Variants in KCNIP4 observed in about 807,000 individuals in gnomAD.
The protein encoded by KCNIP4 is potassium voltage-gated channel interacting protein 4, also known as Kv channel-interacting protein 4.
KCNIP4 carries 12 observed loss-of-function variants against 34.0 expected under a neutral mutation model. The observed-to-expected ratio is 0.35, with a 90% CI of 0.23 to 0.57. KCNIP4 has a LOEUF of 0.57. Among genes scored for constraint, KCNIP4 ranks in the 20% least tolerant of loss-of-function variants. The probability of loss-of-function intolerance (pLI) is 0.83; values close to 1 mark genes in which losing one functional copy is unlikely to be tolerated. For synonymous variants in KCNIP4, 124 were observed against 102.2 expected, an observed-to-expected ratio of 1.21 and a Z score of -1.29; for missense variants, 238 against 311.7, an observed-to-expected ratio of 0.76 and a Z score of 1.78.
intron 1 of KCNIP4, among the ~76,000 whole-genome samples, chr4:21,817,494 G>T (rs953424244): frequency 3.3e-5 from 5 of 152,106 alleles, no homozygotes; most frequent in African/African-American, 4.8e-5. Flanking sequence ...CAACCATAAG[G>T]GTGACTGCCT....
chr4:21,286,929 G>A (rs1323800306), intron 1 of KCNIP4, among the ~76,000 whole-genome samples: 1 of 152,086 alleles, frequency 6.6e-6, no homozygotes, highest in Non-Finnish European at 1.5e-5. Flanking sequence ...TTGAGAGGAG[G>A]CTACAAGGAG....
intron 1 of KCNIP4, among the ~76,000 whole-genome samples, chr4:21,486,121 G>A (rs1474335423): frequency 6.6e-6 from 1 of 152,206 alleles, no homozygotes; most frequent in African/African-American, 2.4e-5. Context: ...GCAGCAGAAA[G>A]TAAGCTGCAT....
chr4:20,772,588 T>C (rs1005754331), intron 3 of KCNIP4, among the ~76,000 whole-genome samples: 1 of 152,102 alleles, frequency 6.6e-6, no homozygotes, highest in African/African-American at 2.4e-5. Context: ...GATTCAGCTC[T>C]AAATACATTT....
chr4:21,263,784 C>G (rs1404647922), intron 1 of KCNIP4, among the ~76,000 whole-genome samples: 1 of 152,094 alleles, frequency 6.6e-6, no homozygotes, highest in African/African-American at 2.4e-5. Context: ...GCCCCCTGAG[C>G]TTCTGGGACT....
Position 21,373,156 on chromosome 4 carries a change from T to C in KCNIP4, c.62-490447A>G, listed in dbSNP as rs1211458217. ...GAGCAACACAGCAAGACCTTGTCTC[T>C]ACAAAAAATGTAAAAAATTATCTGG... On this transcript the variant is annotated intron_variant, in intron 1 of 8. Coordinates refer to ENST00000382152, the MANE Select transcript of KCNIP4 (RefSeq NM_025221.6). Among the ~76,000 whole-genome samples the C allele has an allele frequency of 1.4e-5, 2 of 146,690 alleles. 1 individual carries two copies. The highest frequency in any genetic ancestry group is 5.5e-5 in the African/African-American group (2 of 36,454).
chr4:21,342,491 A>G (rs768227970), intron 1 of KCNIP4, among the ~76,000 whole-genome samples: 3 of 152,136 alleles, frequency 2.0e-5, no homozygotes, highest in Non-Finnish European at 4.4e-5. Flanking sequence ...ATCATGCCCA[A>G]GGACACACAG....
intron 1 of KCNIP4, among the ~76,000 whole-genome samples, chr4:21,402,298 T>A (rs1351233025): frequency 3.3e-5 from 5 of 152,240 alleles, no homozygotes; most frequent in African/African-American, 7.2e-5. Context: ...CAAATTCAGA[T>A]TTCTTCAGTG....
At chr4:21,304,094 A>AG (rs1712135276) in intron 1 of KCNIP4, 1 of 570,134 alleles carries the variant, frequency 1.8e-6, no homozygotes, top group East Asian at 4.1e-5. Context: ...AGACAGAGAG[A>AG]GAGAGAGAGA....
chr4:21,909,800 C>CAGCA, intron 1 of KCNIP4, among the ~76,000 whole-genome samples: 1 of 151,978 alleles, frequency 6.6e-6, no homozygotes, highest in East Asian at 1.9e-4. Context: ...TCTTACATGG[C>CAGCA]GACAGGCAAA....
At chr4:21,726,573 T>C (rs114463362) in intron 1 of KCNIP4, among the ~76,000 whole-genome samples, 4,341 of 152,230 alleles carry the variant, frequency 0.029, 190 homozygotes, top group African/African-American at 0.098. Flanking sequence ...CAGCAACAAT[T>C]TGAGTCCTGC....
intron 1 of KCNIP4, among the ~76,000 whole-genome samples, chr4:21,789,601 C>A (rs1720142370): frequency 6.6e-6 from 1 of 152,204 alleles, no homozygotes; most frequent in African/African-American, 2.4e-5. Flanking sequence ...TACGTAACAT[C>A]TTTGCTACAT....
At chr4:21,784,595 A>T (rs1719781887) in intron 1 of KCNIP4, among the ~76,000 whole-genome samples, 1 of 152,204 alleles carries the variant, frequency 6.6e-6, no homozygotes, top group Admixed American at 6.5e-5. Context: ...CCATATTTTT[A>T]TCTGAAAAAA....
At chr4:21,377,719 C>A (rs1440794320) in intron 1 of KCNIP4, among the ~76,000 whole-genome samples, 1 of 152,048 alleles carries the variant, frequency 6.6e-6, no homozygotes, top group African/African-American at 2.4e-5. Context: ...TGATAAAGCC[C>A]CATGAAAATG....
chr4:21,390,814 C>T (rs1478811933), intron 1 of KCNIP4, among the ~76,000 whole-genome samples: 1 of 151,730 alleles, frequency 6.6e-6, no homozygotes, highest in Non-Finnish European at 1.5e-5. Context: ...ATGAACATAC[C>T]TTGTGTATAT....
At chr4:21,047,413 T>C (rs1293220969) in intron 1 of KCNIP4, among the ~76,000 whole-genome samples, 1 of 152,234 alleles carries the variant, frequency 6.6e-6, no homozygotes, top group Non-Finnish European at 1.5e-5. Flanking sequence ...GAGTGTTTCC[T>C]ATGTGATAGA....
intron 1 of KCNIP4, among the ~76,000 whole-genome samples, chr4:21,602,008 T>C (rs1743208069): frequency 6.6e-6 from 1 of 152,176 alleles, no homozygotes; most frequent in Non-Finnish European, 1.5e-5. Flanking sequence ...TTTACTAATA[T>C]AGTCATGCCC....
intron 1 of KCNIP4, among the ~76,000 whole-genome samples, chr4:21,339,696 C>A (rs1207642320): frequency 1.3e-5 from 2 of 152,076 alleles, no homozygotes; most frequent in Non-Finnish European, 2.9e-5. Context: ...CCTATGATTT[C>A]AAGCTTGGGT....
chr4:21,848,951 T>TGTGCGTGTGC lies in KCNIP4; in HGVS notation c.61+99619_61+99620insGCACACGCAC, dbSNP rs1553937924. On this transcript the variant is annotated intron_variant, in intron 1 of 8. Transcript: ENST00000382152. ...TTACTTTGTGATATACATATATGTG[T>TGTGCGTGTGC]GTGTGTGTGTGTGTGTGTGTGTGTG... 9 of 134,284 alleles carry TGTGCGTGTGC rather than the reference T, an allele frequency of 6.7e-5. No individual in the cohort carries two copies. The East Asian group carries it at 2.0e-3, about 30-fold the overall frequency. 8.3% of individuals were successfully genotyped at this position (134,284 alleles called of 1,614,324 possible).
chr4:21,935,186 T>G (rs1913332), intron 1 of KCNIP4, among the ~76,000 whole-genome samples: 96,372 of 151,728 alleles, frequency 0.64, 31,018 homozygotes, highest in East Asian at 0.9. Context: ...CCAAGAACCT[T>G]CCACCAACAC....
Sources: gnomAD v4.1 joint callset for allele counts (sites outside exome capture counted in the v4.1 genomes callset) on GRCh38, gnomAD v4.1.1 for gene constraint, MANE v1.5 for transcripts, NCBI Gene and HGNC (gene_info 2026-07-23, HGNC 2026-07-21) for gene names.